The following SUPV3L1 variants were observed in gnomAD, a reference collection of about 807,000 sequenced individuals.
SUPV3L1 encodes ATP-dependent RNA helicase SUPV3L1, mitochondrial.
A neutral mutation model predicts 70.0 loss-of-function variants in SUPV3L1; 35 were observed. The observed-to-expected ratio is 0.50, with a 90% CI of 0.38 to 0.66. The LOEUF (loss-of-function observed/expected upper bound fraction) is 0.66, where lower values mean the gene tolerates loss of function less well. SUPV3L1 is among the 30% of genes least tolerant of loss of function. SUPV3L1 has a pLI of 0.00. For synonymous variants in SUPV3L1, 364 were observed against 341.9 expected (o/e 1.06, Z -0.71); for missense variants, 777 against 961.5 (o/e 0.81, Z 2.54).
rs1842919142 is a variant in SUPV3L1, at chr10:69,209,061, T to TA, written c.*27dup. On this transcript the variant is annotated 3_prime_UTR_variant, in exon 15 of 15. Coordinates refer to ENST00000359655, the MANE Select transcript of SUPV3L1 (RefSeq NM_003171.5). ...TTTTCTGTTCCTGTTTTTTTTTTTT[T>TA]ATTTAATTTTGCAAATAAAAATTTA... is the stretch of plus-strand genomic sequence containing the variant. 3.4e-6 allele frequency: 5 copies of TA among 1,491,706 alleles called. No homozygotes were observed. Among genetic ancestry groups the TA allele is most frequent in the South Asian group, 1.3e-5 (1 of 74,186 alleles). 92.4% of individuals were successfully genotyped at this position (1,491,706 alleles called of 1,614,324 possible). A position where few individuals can be genotyped will look rare whatever the true frequency, so the allele number is the denominator to read the frequency against.
In SUPV3L1 at chr10:69,180,610, C is replaced by T. The variant is rs201369302; in HGVS notation, c.271+48C>T. 26 of 1,598,552 alleles carry T rather than the reference C, an allele frequency of 1.6e-5. No homozygotes were observed. In the African/African-American group the frequency reaches 2.5e-4, roughly 16 times the overall value. On this transcript the variant is annotated intron_variant, in intron 1 of 14. Coordinates refer to ENST00000359655, the MANE Select transcript of SUPV3L1 (RefSeq NM_003171.5). Reference sequence around the variant, plus strand: ...GCGGCAGAGGGTGGTGTCTGCTGGGCCGAGGCTGGTTGGGAGGAAGCTACA... The same window carrying T: ...GCGGCAGAGGGTGGTGTCTGCTGGGTCGAGGCTGGTTGGGAGGAAGCTACA...
In SUPV3L1 at chr10:69,200,646, A is replaced by G. The variant is rs1027408128; in HGVS notation, c.1518+147A>G. On this transcript the variant is annotated intron_variant, in intron 11 of 14. Coordinates refer to ENST00000359655, the MANE Select transcript of SUPV3L1 (RefSeq NM_003171.5). The stretch of plus-strand genomic sequence containing the variant: ...TGTGCCATGAAAACTGCATTAAAAA[A>G]AGCCCTACTTTATTGCTTTGGAGAG... 1.5e-5 allele frequency: 10 copies of G among 662,816 alleles called. No homozygotes were observed. The South Asian group carries it at 2.1e-4, about 14-fold the overall frequency. 41.1% of individuals were successfully genotyped at this position (662,816 alleles called of 1,614,324 possible).
intron 13 of SUPV3L1, among the ~76,000 whole-genome samples, chr10:69,203,389 T>C (rs1313778609): frequency 2.6e-5 from 4 of 151,998 alleles, no homozygotes; most frequent in African/African-American, 9.7e-5. Context: ...CAAGGCCGGG[T>C]GCAGTGGCTC....
At chr10:69,198,310 A>T in intron 8 of SUPV3L1, 62 bp from the exon 9 acceptor site, 2 of 1,464,952 alleles carry the variant, frequency 1.4e-6, no homozygotes, top group Non-Finnish European at 1.8e-6. Context: ...TTTTCACTTA[A>T]TTACTAGTCA....
chr10:69,186,276 T>C (rs1842226636), intron 2 of SUPV3L1, among the ~76,000 whole-genome samples, 167 bp from the exon 3 acceptor site: 1 of 143,584 alleles, frequency 7.0e-6, no homozygotes, highest in Non-Finnish European at 1.5e-5. Flanking sequence ...CTTCATGCTG[T>C]GCTAGGACTT....
chr10:69,190,598 A>T (rs1210993278), intron 5 of SUPV3L1, among the ~76,000 whole-genome samples: 1 of 152,242 alleles, frequency 6.6e-6, no homozygotes, highest in Non-Finnish European at 1.5e-5. Flanking sequence ...CACAATCTAT[A>T]TTCAAATTTT....
At chr10:69,195,400 T>A in intron 7 of SUPV3L1, 135 bp downstream of exon 7, 1 of 458,888 alleles carries the variant, frequency 2.2e-6, no homozygotes, top group East Asian at 3.5e-5. Context: ...AAACTAAGTA[T>A]GAGTTTTTAT....
Position 69,208,664 on chromosome 10 carries a change from G to T in SUPV3L1, c.1990G>T (p.Gly664Cys). 1 of 1,614,134 alleles carries T rather than the reference G, an allele frequency of 6.2e-7. No individual in the cohort carries two copies. The highest frequency in any genetic ancestry group is 8.5e-7 in the Non-Finnish European group (1 of 1,180,020). Residue 664 changes from glycine to cysteine, a missense_variant, in exon 15 of 15, where the codon GGT (glycine) becomes TGT (cysteine). Gly to Cys is a radical substitution (Grantham distance 159, BLOSUM62 -3). Around this residue, in one of 2 missense-constraint regions of SUPV3L1, gnomAD observed 619 missense variants for 823.3 expected, o/e 0.75. Transcript: ENST00000359655. Reference protein sequence around the residue: ...LIRDLQKELDGIIQDGVHNIT... With the variant: ...LIRDLQKELDCIIQDGVHNIT... The stretch of plus-strand genomic sequence containing the variant: ...TCGAGATCTCCAGAAAGAACTAGAT[G>T]GTATTATCCAAGATGGTGTGCACAA...
At chr10:69,201,537 C>CTTTT (rs35634841) in intron 11 of SUPV3L1, among the ~76,000 whole-genome samples, 3 of 137,578 alleles carry the variant, frequency 2.2e-5, no homozygotes, top group Non-Finnish European at 4.7e-5. Flanking sequence ...TTTTTCTTTC[C>CTTTT]TTTTTTTTTT....
chr10:69,189,218 A>G (rs768422296), intron 4 of SUPV3L1, 49 bp from the exon 5 acceptor site: 1 of 1,542,196 alleles, frequency 6.5e-7, no homozygotes, highest in South Asian at 1.3e-5. Context: ...CTTTGCCAGG[A>G]TGGATTTTGA....
At position 69,200,273 on chromosome 10, in the gene SUPV3L1, G is replaced by T; in HGVS notation, c.1299-7G>T. The T allele has an allele frequency of 6.2e-7, 1 of 1,610,910 alleles. No individual in the cohort carries two copies. ...AGTCTGCAGGATCACTTTTATTTCT[G>T]TTTCAGGAGCATAAGGAGAATTATT... On this transcript the variant is annotated splice_polypyrimidine_tract_variant and splice_region_variant and intron_variant, in intron 10 of 14. Transcript: ENST00000359655.
At position 69,199,038 on chromosome 10, in the gene SUPV3L1, A is replaced by G. The variant is rs973458713; in HGVS notation, c.1205-66A>G. Reference sequence around the variant, plus strand: ...AGAACAGGAGGTGAGGGTTTCCAAGATGTACTTAGCTTGATGTAATAAAAG... The same window carrying G: ...AGAACAGGAGGTGAGGGTTTCCAAGGTGTACTTAGCTTGATGTAATAAAAG... On this transcript the variant is annotated intron_variant, in intron 9 of 14. Coordinates refer to ENST00000359655, the MANE Select transcript of SUPV3L1 (RefSeq NM_003171.5). 1.9e-5 allele frequency: 24 copies of G among 1,243,352 alleles called. No homozygotes were observed. In the East Asian group the frequency reaches 5.7e-4, roughly 30 times the overall value. 77.0% of individuals were successfully genotyped at this position (1,243,352 alleles called of 1,614,324 possible). A position where few individuals can be genotyped will look rare whatever the true frequency, so the allele number is the denominator to read the frequency against.
intron 13 of SUPV3L1, among the ~76,000 whole-genome samples, chr10:69,203,800 A>G (rs1398082777): frequency 1.3e-5 from 2 of 151,858 alleles, no homozygotes; most frequent in Non-Finnish European, 2.9e-5. Context: ...ATCACAGCTC[A>G]CTGCAACCTC....
chr10:69,189,318 C>T lies in SUPV3L1; in HGVS notation c.624C>T (p.Pro208=). The change falls in exon 5 of 15, where the codon CCC becomes CCT. Residue 208 remains proline (P), a synonymous_variant. Coordinates refer to ENST00000359655, the MANE Select transcript of SUPV3L1 (RefSeq NM_003171.5). The part of the protein sequence containing the change: ...MQRKIIFHSG[P]TNSGKTYHAI... ...GGAAGATAATATTTCATTCAGGCCC[C>T]ACAAACAGTGGAAAGACTTATCACG... The T allele has an allele frequency of 6.2e-7, 1 of 1,614,086 alleles. No homozygotes were observed. The highest frequency in any genetic ancestry group is 8.5e-7 in the Non-Finnish European group (1 of 1,179,984).
chr10:69,208,566 C>T, intron 14 of SUPV3L1, 34 bp from the exon 15 acceptor site: 1 of 1,585,506 alleles, frequency 6.3e-7, no homozygotes, highest in Non-Finnish European at 8.6e-7. Flanking sequence ...GCGATAAGAG[C>T]TGTTGCTATA....
chr10:69,207,939 A>C lies in SUPV3L1; in HGVS notation c.1923A>C (p.Leu641=). Residue 641 remains leucine, a splice_region_variant and synonymous_variant, in exon 14 of 15, where the codon CTA becomes CTC. Transcript: ENST00000359655. ...VHDVLDLYLW[L]SYRFMDMFPD... ...ATGTCTTGGATCTTTACTTGTGGCT[A>C]AGGTACCAACATTTTTCCTTTATGT... The C allele has an allele frequency of 1.2e-6, 2 of 1,613,416 alleles. No individual in the cohort carries two copies. The highest frequency in any genetic ancestry group is 1.7e-6 in the Non-Finnish European group (2 of 1,179,774).
intron 10 of SUPV3L1, 49 bp downstream of exon 10, chr10:69,199,246 G>GGTTTTTTT: frequency 7.0e-7 from 1 of 1,437,792 alleles, no homozygotes. Context: ...GTTAAATGGT[G>GGTTTTTTT]GTTTTTTTGT....
intron 2 of SUPV3L1, 64 bp downstream of exon 2, chr10:69,186,128 C>T: frequency 1.4e-6 from 2 of 1,390,520 alleles, no homozygotes; most frequent in South Asian, 2.4e-5. Flanking sequence ...TTGGTCAGGA[C>T]TGTACGACCC....
intron 6 of SUPV3L1, 101 bp downstream of exon 6, chr10:69,191,867 TACTATC>T: frequency 1.2e-6 from 1 of 829,318 alleles, no homozygotes; most frequent in East Asian, 2.7e-5. Flanking sequence ...AATGCAATGG[TACTATC>T]TCGGCTCACT....
Sources: gnomAD v4.1 joint callset for allele counts (sites outside exome capture counted in the v4.1 genomes callset) on GRCh38, gnomAD v4.1.1 for gene constraint, gnomAD v4.1.1 regional missense constraint, MANE v1.5 for transcripts, NCBI Gene and HGNC (gene_info 2026-07-23, HGNC 2026-07-21) for gene names.